PYROXD2: variants seen among roughly 807,000 people sequenced by gnomAD.
PYROXD2 encodes pyridine nucleotide-disulphide oxidoreductase domain 2, also known as pyridine nucleotide-disulfide oxidoreductase domain-containing protein 2.
Under a neutral mutation model 71.1 loss-of-function variants are expected in PYROXD2, and 69 were observed. The ratio of observed to expected loss-of-function variants is 0.97; its 90% confidence interval spans 0.80 to 1.19. PYROXD2 has a LOEUF of 1.19. PYROXD2 is among the 50% of genes most tolerant of loss of function. The probability of loss-of-function intolerance (pLI) is 0.00; values close to 1 mark genes in which losing one functional copy is unlikely to be tolerated. For synonymous variants in PYROXD2, 287 were observed against 302.7 expected (o/e 0.95, Z 0.54); for missense variants, 745 against 748.9 (o/e 0.99, Z 0.06).
At chr10:98,396,364 C>A (rs755574760) in intron 6 of PYROXD2, among the ~76,000 whole-genome samples, 22 of 152,204 alleles carry the variant, frequency 1.4e-4, no homozygotes, top group Non-Finnish European at 3.1e-4. Context: ...TGGAGCAGAG[C>A]TGCCTCCACT....
intron 12 of PYROXD2, among the ~76,000 whole-genome samples, chr10:98,389,526 C>T (rs532868786): frequency 1.3e-5 from 2 of 152,290 alleles, no homozygotes; most frequent in South Asian, 2.1e-4. Flanking sequence ...CAGCACCATC[C>T]GAGACCCTTC....
chr10:98,396,470 G>A (rs7908310), intron 6 of PYROXD2, among the ~76,000 whole-genome samples: 53,922 of 149,924 alleles, frequency 0.36, 9,880 homozygotes, highest in South Asian at 0.44. Flanking sequence ...GGAAACAAAT[G>A]ATTTTTTTTC....
intron 9 of PYROXD2, 55 bp downstream of exon 9, chr10:98,392,887 T>C: frequency 6.3e-7 from 1 of 1,575,302 alleles, no homozygotes. Flanking sequence ...TCTGAGACTT[T>C]GTTCTGTCCT....
At chr10:98,411,237 T>G (rs1843776551) in intron 1 of PYROXD2, 9 of 467,012 alleles carry the variant, frequency 1.9e-5, no homozygotes, top group Non-Finnish European at 3.4e-5. Context: ...GAGGGGCTCA[T>G]GAGAGCATCG....
chr10:98,405,595 C>T (rs1037229291), intron 4 of PYROXD2, among the ~76,000 whole-genome samples: 3 of 152,226 alleles, frequency 2.0e-5, no homozygotes, highest in African/African-American at 7.2e-5. Flanking sequence ...GAAGGCACCA[C>T]GTGGTGAAAT....
chr10:98,410,875 C>T (rs865945372), intron 2 of PYROXD2, 64 bp downstream of exon 2: 7 of 1,553,104 alleles, frequency 4.5e-6, no homozygotes, highest in Non-Finnish European at 6.1e-6. Context: ...CACACTCCTT[C>T]CCAGGCTGCT....
chr10:98,408,648 A>G (rs1255139626), intron 2 of PYROXD2, among the ~76,000 whole-genome samples: 1 of 152,210 alleles, frequency 6.6e-6, no homozygotes, highest in African/African-American at 2.4e-5. Flanking sequence ...TTGGGAGAAC[A>G]AATGATGCAA....
chr10:98,399,470 T>C (rs1389446009), intron 5 of PYROXD2, among the ~76,000 whole-genome samples: 1 of 152,208 alleles, frequency 6.6e-6, no homozygotes, highest in East Asian at 1.9e-4. Flanking sequence ...ACTCAGTGGC[T>C]CATCTAGACA....
At chr10:98,391,106 A>T in intron 10 of PYROXD2, 24 bp from the exon 11 acceptor site, 2 of 1,504,048 alleles carry the variant, frequency 1.3e-6, no homozygotes, top group Non-Finnish European at 1.9e-6. Flanking sequence ...GCTCCATGAA[A>T]GGCCTCAGAT....
chr10:98,390,793 A>G, intron 11 of PYROXD2, 39 bp from the exon 12 acceptor site: 2 of 1,542,592 alleles, frequency 1.3e-6, no homozygotes, highest in Non-Finnish European at 1.7e-6. Context: ...TTAGCCCCAC[A>G]AGGTCCTCCC....
In PYROXD2 at chr10:98,407,969, T is replaced by C; in HGVS notation, c.176A>G (p.Asn59Ser). Residue 59 changes from asparagine (N) to serine (S), a missense_variant, in exon 3 of 16, where the codon AAC (asparagine) becomes AGC (serine). Physicochemically the swap from Asn to Ser is conservative, Grantham distance 46. Coordinates refer to ENST00000370575, the MANE Select transcript of PYROXD2 (RefSeq NM_032709.3). ...ATGGCGCCTCTCGAAGACGGCGGTG[T>C]TCACCCCCAGTCTCTGCAGGTACGC... ...AAAYLQRLGVNTAVFERRHVI... is the reference protein window; with the variant it reads ...AAAYLQRLGVSTAVFERRHVI... The C allele has an allele frequency of 6.2e-7, 1 of 1,609,516 alleles. No individual in the cohort carries two copies. The highest frequency in any genetic ancestry group is 8.5e-7 in the Non-Finnish European group (1 of 1,178,224).
At chr10:98,413,571 G>A (rs4258311) in intron 1 of PYROXD2, among the ~76,000 whole-genome samples, 54,476 of 151,488 alleles carry the variant, frequency 0.36, 10,943 homozygotes, top group African/African-American at 0.53. Context: ...AAAATTAGCC[G>A]GGCGTGGTGG....
chr10:98,401,598 C>T (rs572761515), intron 4 of PYROXD2, among the ~76,000 whole-genome samples: 4 of 152,142 alleles, frequency 2.6e-5, no homozygotes, highest in Non-Finnish European at 5.9e-5. Flanking sequence ...AAACATTGTA[C>T]AGCTATATAA....
intron 6 of PYROXD2, 64 bp downstream of exon 6, chr10:98,397,281 G>A (rs1204188051): frequency 2.7e-6 from 4 of 1,489,464 alleles, no homozygotes; most frequent in East Asian, 2.4e-5. Flanking sequence ...TCTAGGCATC[G>A]AGACAATGGG....
At chr10:98,406,807 G>A (rs1186749222) in intron 4 of PYROXD2, among the ~76,000 whole-genome samples, 2 of 150,230 alleles carry the variant, frequency 1.3e-5, no homozygotes, top group African/African-American at 2.5e-5. Flanking sequence ...CAGGAGAATG[G>A]CATGAACCCG....
intron 4 of PYROXD2, among the ~76,000 whole-genome samples, chr10:98,401,241 A>G (rs10883088): frequency 0.41 from 56,135 of 138,030 alleles, 12,842 homozygotes; most frequent in African/African-American, 0.62. Context: ...GTGACAAAGC[A>G]AGACTCTGTC....
At chr10:98,389,729 T>G (rs1416566179) in intron 12 of PYROXD2, among the ~76,000 whole-genome samples, 4 of 152,178 alleles carry the variant, frequency 2.6e-5, no homozygotes, top group African/African-American at 9.7e-5. Flanking sequence ...GAGAAGCCTT[T>G]CCTCCCCTTC....
At chr10:98,398,113 C>T (rs1248733136) in intron 5 of PYROXD2, among the ~76,000 whole-genome samples, 3 of 152,150 alleles carry the variant, frequency 2.0e-5, no homozygotes, top group Non-Finnish European at 4.4e-5. Context: ...GAACTTCTGA[C>T]CTCAAGTGAT....
rs938178863 is a variant in PYROXD2, at chr10:98,410,672, T to C, written c.147+267A>G. ...ACCTTGTCAGCTTGTTTCTGGAAGCTCCCTGACTCCCTCACAGGCCATGGG... is the reference window on the plus strand; with the variant it reads ...ACCTTGTCAGCTTGTTTCTGGAAGCCCCCTGACTCCCTCACAGGCCATGGG... On this transcript the variant is annotated intron_variant, in intron 2 of 15. Transcript: ENST00000370575. The C allele has an allele frequency of 9.8e-6, 5 of 512,396 alleles. No homozygotes were observed. The Admixed American group carries it at 1.4e-4, about 15-fold the overall frequency. 31.7% of individuals were successfully genotyped at this position (512,396 alleles called of 1,614,324 possible).
Sources: allele counts gnomAD v4.1 joint callset (sites outside exome capture counted in the v4.1 genomes callset), GRCh38; gene constraint gnomAD v4.1.1; transcripts MANE v1.5; gene names NCBI Gene and HGNC (gene_info 2026-07-23, HGNC 2026-07-21).